WDFY3: variants seen among roughly 807,000 people sequenced by gnomAD.
WDFY3 encodes the protein WD repeat and FYVE domain containing 3.
WDFY3 carries 66 observed loss-of-function variants against 409.6 expected under a neutral mutation model. That is an observed-to-expected ratio of 0.16 (90% CI 0.13 to 0.20). The LOEUF (loss-of-function observed/expected upper bound fraction) is 0.20. WDFY3 is among the 10% of genes least tolerant of loss of function. The probability of loss-of-function intolerance (pLI) is 1.00; values close to 1 mark genes in which losing one functional copy is unlikely to be tolerated. For synonymous variants in WDFY3, 1,521 were observed against 1,537.1 expected (o/e 0.99, Z 0.25); for missense variants, 3,031 against 4,298.1 (o/e 0.71, Z 8.24).
chr4:84,850,549 T>C (rs1027360111), intron 4 of WDFY3, among the ~76,000 whole-genome samples: 18 of 152,160 alleles, frequency 1.2e-4, no homozygotes, highest in Non-Finnish European at 1.6e-4. Flanking sequence ...ACTCCTGACC[T>C]CTGGTGATCC....
At chr4:84,716,557 G>A (rs1262020932) in intron 49 of WDFY3, among the ~76,000 whole-genome samples, 1 of 151,738 alleles carries the variant, frequency 6.6e-6, no homozygotes, top group Non-Finnish European at 1.5e-5. Flanking sequence ...AGCACTTTGG[G>A]AGGCCAAGGC....
At chr4:84,710,689 AAATG>A (rs1447263626) in intron 51 of WDFY3, among the ~76,000 whole-genome samples, 1 of 152,248 alleles carries the variant, frequency 6.6e-6, no homozygotes, top group African/African-American at 2.4e-5. Context: ...TTAAAGTTGG[AAATG>A]AATTTCTGTT....
intron 2 of WDFY3, among the ~76,000 whole-genome samples, chr4:84,927,439 G>A (rs1172936061): frequency 6.6e-6 from 1 of 152,072 alleles, no homozygotes; most frequent in Non-Finnish European, 1.5e-5. Context: ...ATTACAGAAA[G>A]AACCCATAAA....
intron 37 of WDFY3, among the ~76,000 whole-genome samples, chr4:84,742,236 A>C (rs1738560676): frequency 6.6e-6 from 1 of 152,216 alleles, no homozygotes; most frequent in South Asian, 2.1e-4. Context: ...TTGAGAGAAA[A>C]CGGGCCAGTT....
intron 1 of WDFY3, among the ~76,000 whole-genome samples, chr4:84,956,980 T>TAAAA (rs571594170): frequency 7.4e-6 from 1 of 134,554 alleles, no homozygotes; most frequent in African/African-American, 2.7e-5. Flanking sequence ...ATGGTTTTCT[T>TAAAA]AAAAAAAAAA....
chr4:84,793,110 A>G (rs529808778), intron 21 of WDFY3, among the ~76,000 whole-genome samples: 1 of 152,310 alleles, frequency 6.6e-6, no homozygotes, highest in South Asian at 2.1e-4. Context: ...AAGTTGACTC[A>G]GGTTTCTAGT....
chr4:84,826,647 G>A, intron 10 of WDFY3, among the ~76,000 whole-genome samples, 168 bp downstream of exon 10: 1 of 151,376 alleles, frequency 6.6e-6, no homozygotes, highest in Non-Finnish European at 1.5e-5. Flanking sequence ...CTAGATTAAA[G>A]GTTATTACTT....
chr4:84,683,780 TC>T (rs1352211592), intron 63 of WDFY3, among the ~76,000 whole-genome samples, 162 bp downstream of exon 63: 2 of 152,224 alleles, frequency 1.3e-5, no homozygotes, highest in East Asian at 3.9e-4. Flanking sequence ...ACACCAGTGT[TC>T]CTCATGTCTG....
chr4:84,883,422 T>C (rs1252844508), intron 3 of WDFY3, among the ~76,000 whole-genome samples: 1 of 152,218 alleles, frequency 6.6e-6, no homozygotes, highest in Non-Finnish European at 1.5e-5. Flanking sequence ...CAGTTTACCA[T>C]ATTTTTCTTG....
rs534699490 is a variant in WDFY3, at chr4:84,950,189, G to A, written c.-226+16020C>T. Reference sequence around the variant, plus strand: ...CACATGTTCTCATTCATAAGTGGGAGTTGAACAATGAGAACACATGGACAC... The same window carrying A: ...CACATGTTCTCATTCATAAGTGGGAATTGAACAATGAGAACACATGGACAC... On this transcript the variant is annotated intron_variant, in intron 1 of 67. Coordinates refer to ENST00000295888, the MANE Select transcript of WDFY3 (RefSeq NM_014991.6). Among the ~76,000 whole-genome samples, 7 of 151,460 alleles carry A rather than the reference G, an allele frequency of 4.6e-5. No individual in the cohort carries two copies. The South Asian group carries it at 1.5e-3, about 32-fold the overall frequency.
chr4:84,916,813 T>C (rs1389292580), intron 2 of WDFY3, among the ~76,000 whole-genome samples: 1 of 152,134 alleles, frequency 6.6e-6, no homozygotes, highest in African/African-American at 2.4e-5. Context: ...ACAGACAAAA[T>C]TCCATTAAGC....
At position 84,682,400 on chromosome 4, in the gene WDFY3, T is replaced by A. The variant is rs754759812; in HGVS notation, c.9797A>T (p.Gln3266Leu). The A allele has an allele frequency of 6.2e-7, 1 of 1,613,992 alleles. No homozygotes were observed. ...APEPAEVLEM[Q>L]EDCPEAQIGQ... ...TATTTGTGCTTCTGGACAGTCTTCC[T>A]GCATTTCTAGGACTTCAGCAGGCTC... The change falls in exon 64 of 68, where the codon CAG (glutamine) becomes CTG (leucine). Residue 3266 changes from glutamine to leucine, a missense_variant. By Grantham distance (113) the Gln-to-Leu change is moderately radical. Around this residue, in one of 16 missense-constraint regions of WDFY3, gnomAD observed 378 missense variants for 477.3 expected, o/e 0.79. Coordinates refer to ENST00000295888, the MANE Select transcript of WDFY3 (RefSeq NM_014991.6).
At chr4:84,795,411 G>C (rs1373375742) in intron 19 of WDFY3, among the ~76,000 whole-genome samples, 2 of 152,112 alleles carry the variant, frequency 1.3e-5, no homozygotes, top group Non-Finnish European at 2.9e-5. Flanking sequence ...TTAAAACACA[G>C]AGGTTTCAAT....
chr4:84,878,235 G>A (rs547382693), intron 3 of WDFY3, among the ~76,000 whole-genome samples: 179 of 152,190 alleles, frequency 1.2e-3, no homozygotes, highest in African/African-American at 4.0e-3. Flanking sequence ...AGAATCCTCC[G>A]CTGGAAATTC....
chr4:84,866,144 G>C (rs1296890892), intron 3 of WDFY3, among the ~76,000 whole-genome samples: 1 of 152,118 alleles, frequency 6.6e-6, no homozygotes, highest in Non-Finnish European at 1.5e-5. Context: ...CAATTACTCA[G>C]ATAATCTCAA....
chr4:84,844,710 GC>G (rs910492696), intron 5 of WDFY3, among the ~76,000 whole-genome samples: 8 of 152,196 alleles, frequency 5.3e-5, no homozygotes, highest in African/African-American at 1.9e-4. Flanking sequence ...ACTACTTTAT[GC>G]AGGTAGGAAT....
rs569369406 is a variant in WDFY3, at chr4:84,957,590, T to C, written c.-226+8619A>G. Among the ~76,000 whole-genome samples, 6 of 152,232 alleles carry C rather than the reference T, an allele frequency of 3.9e-5. No individual in the cohort carries two copies. The South Asian group carries it at 1.2e-3, about 32-fold the overall frequency. ...GCAACAAGAACTGGGGAATTTGGAG[T>C]TAATGGTCACAGTTTTATGACCCTA... On this transcript the variant is annotated intron_variant, in intron 1 of 67. Transcript: ENST00000295888.
At chr4:84,742,989 A>C (rs1738721568) in intron 37 of WDFY3, among the ~76,000 whole-genome samples, 1 of 152,180 alleles carries the variant, frequency 6.6e-6, no homozygotes, top group African/African-American at 2.4e-5. Flanking sequence ...GGTAAGAATA[A>C]GTACAAAAGT....
chr4:84,693,679 T>C (rs1377215856), intron 58 of WDFY3, among the ~76,000 whole-genome samples: 1 of 152,100 alleles, frequency 6.6e-6, no homozygotes, highest in Non-Finnish European at 1.5e-5. Context: ...AGGCGGATCA[T>C]GAGGTCAGGA....
Sources: allele counts gnomAD v4.1 joint callset (sites outside exome capture counted in the v4.1 genomes callset), GRCh38; gene constraint gnomAD v4.1.1; regional missense constraint gnomAD v4.1.1; transcripts MANE v1.5; gene names NCBI Gene and HGNC (gene_info 2026-07-23, HGNC 2026-07-21).